The following STAG3 variants were observed in gnomAD, a reference collection of about 807,000 sequenced individuals.
STAG3 encodes the protein STAG3 cohesin complex component.
STAG3 carries 101 observed loss-of-function variants against 160.7 expected under a neutral mutation model. That is an observed-to-expected ratio of 0.63 (90% CI 0.54 to 0.74). The LOEUF (loss-of-function observed/expected upper bound fraction) is 0.74. Ranked by LOEUF, STAG3 falls within the 30% of genes least tolerant of loss-of-function variation. The probability of loss-of-function intolerance (pLI) is 0.00; values close to 1 mark genes in which losing one functional copy is unlikely to be tolerated. For missense variants in STAG3, 1,188 were observed against 1,517.4 expected (o/e 0.78, Z 3.61); for synonymous variants, 519 against 585.0 (o/e 0.89, Z 1.63).
intron 4 of STAG3, among the ~76,000 whole-genome samples, 175 bp downstream of exon 4, chr7:100,183,014 A>G (rs1361262265): frequency 2.0e-5 from 3 of 151,628 alleles, no homozygotes; most frequent in African/African-American, 7.3e-5. Context: ...ATGAGAGAGC[A>G]TGTTCTTTTT....
chr7:100,210,185 G>T (rs1386486485), intron 29 of STAG3, among the ~76,000 whole-genome samples: 1 of 152,142 alleles, frequency 6.6e-6, no homozygotes, highest in Non-Finnish European at 1.5e-5. Flanking sequence ...TTCCTCTCTG[G>T]GAATCCAAGC....
chr7:100,199,710 A>G (rs1800948767), intron 16 of STAG3, 66 bp downstream of exon 16: 1 of 1,271,500 alleles, frequency 7.9e-7, no homozygotes, highest in Non-Finnish European at 1.1e-6. Context: ...GTGCATCCTT[A>G]TCCCCCAGGC....
At chr7:100,197,982 A>G in intron 11 of STAG3, 105 bp from the exon 12 acceptor site, 1 of 1,493,470 alleles carries the variant, frequency 6.7e-7, no homozygotes, top group Non-Finnish European at 9.3e-7. Context: ...CTATCCCAGC[A>G]TCTGCCTCTA....
chr7:100,200,256 C>T lies in STAG3; in HGVS notation c.1698C>T (p.Arg566=). 6.2e-7 allele frequency: 1 copy of T among 1,612,612 alleles called. No individual in the cohort carries two copies. The highest frequency in any genetic ancestry group is 8.5e-7 in the Non-Finnish European group (1 of 1,179,810). Residue 566 remains arginine (R), a synonymous_variant, in exon 17 of 34, where the codon CGC becomes CGT. Transcript: ENST00000615138. The part of the protein sequence containing the change: ...TGRKGLTSKE[R]KTQADDRVKL... ...TCCAGGGCTTAACCTCTAAGGAGCG[C>T]AAGACCCAAGCCGATGACAGGGTGA... is the stretch of plus-strand genomic sequence containing the variant.
chr7:100,202,193 C>A lies in STAG3; in HGVS notation c.2416C>A (p.Leu806Ile), dbSNP rs746461394. 5 of 1,613,694 alleles carry A rather than the reference C, an allele frequency of 3.1e-6. No homozygotes were observed. The highest frequency in any genetic ancestry group is 4.2e-6 in the Non-Finnish European group (5 of 1,179,954). Reference protein sequence around the residue: ...QEQAFVLLSDLLLIFSPQMIV... With the variant: ...QEQAFVLLSDILLIFSPQMIV... ...ACAGGCTTTTGTCTTATTAAGTGAT[C>A]TACTTCTCATCTTTAGCCCTCAGAT... The change falls in exon 24 of 34, where the codon CTA (leucine) becomes ATA (isoleucine). Residue 806 changes from leucine to isoleucine, a missense_variant. Coordinates refer to ENST00000615138, the MANE Select transcript of STAG3 (RefSeq NM_001282717.2).
chr7:100,201,906 G>A, intron 22 of STAG3, 40 bp downstream of exon 22: 1 of 1,613,948 alleles, frequency 6.2e-7, no homozygotes. Context: ...GAACAGAGGA[G>A]TCTGTGTCTT....
At chr7:100,193,183 G>T (rs1203003649) in intron 8 of STAG3, among the ~76,000 whole-genome samples, 2 of 152,260 alleles carry the variant, frequency 1.3e-5, no homozygotes, top group Non-Finnish European at 2.9e-5. Context: ...AAAATATTCA[G>T]GAAACCATAC....
chr7:100,178,523 G>T (rs187728858), intron 1 of STAG3, among the ~76,000 whole-genome samples: 2 of 150,240 alleles, frequency 1.3e-5, no homozygotes, highest in African/African-American at 4.9e-5. Flanking sequence ...TACTTCCGAA[G>T]CCTCCAGAGA....
At chr7:100,211,970 C>A in intron 32 of STAG3, 94 bp downstream of exon 32, 1 of 1,173,764 alleles carries the variant, frequency 8.5e-7, no homozygotes, top group Non-Finnish European at 1.2e-6. Flanking sequence ...CTCGGTGATG[C>A]CTGGTCTGGA....
At chr7:100,179,552 C>T (rs903822331) in intron 1 of STAG3, among the ~76,000 whole-genome samples, 2 of 151,120 alleles carry the variant, frequency 1.3e-5, no homozygotes, top group South Asian at 4.2e-4. Flanking sequence ...AAGAAAATAC[C>T]TATGAGTTAA....
At chr7:100,212,529 C>T (rs781659531) in intron 32 of STAG3, 4 of 152,338 alleles carry the variant, frequency 2.6e-5, no homozygotes, top group East Asian at 1.9e-4. Context: ...AGTCTCGGCT[C>T]ACTGCAACCT....
chr7:100,201,620 G>A (rs1276142373), intron 21 of STAG3, 166 bp from the exon 22 acceptor site: 12 of 666,536 alleles, frequency 1.8e-5, no homozygotes, highest in African/African-American at 5.4e-5. Context: ...TTTCTACTTC[G>A]TGTAGATGCC....
intron 8 of STAG3, 136 bp from the exon 9 acceptor site, chr7:100,195,173 G>C (rs1481793145): frequency 5.3e-6 from 4 of 759,898 alleles, no homozygotes; most frequent in African/African-American, 3.5e-5. Flanking sequence ...GTTTAAAAGA[G>C]AGCATAGGAT....
chr7:100,199,766 G>GA lies in STAG3; in HGVS notation c.1677+128dup, dbSNP rs1490253198. The GA allele has an allele frequency of 8.8e-6, 7 of 791,818 alleles. No homozygotes were observed. The Admixed American group carries it at 1.5e-4, about 17-fold the overall frequency. The allele number at this position is 791,818 out of a possible 1,614,324, so 49.0% of individuals were successfully genotyped here. ...TACCCTTTAAAGAATTTCATTTCCA[G>GA]AAAAAAGGGCCAGGCGCAGTGGCTT... On this transcript the variant is annotated intron_variant, in intron 16 of 33. Transcript: ENST00000615138.
At chr7:100,216,151 G>A (rs1802731730), downstream of STAG3, among the ~76,000 whole-genome samples, 1 of 152,122 alleles carries the variant, frequency 6.6e-6, no homozygotes, top group Non-Finnish European at 1.5e-5. Flanking sequence ...TCTTTTCTGT[G>A]CACTTTCCAA....
intron 1 of STAG3, among the ~76,000 whole-genome samples, chr7:100,178,785 TG>T (rs1799441993): frequency 6.6e-6 from 1 of 151,864 alleles, no homozygotes; most frequent in African/African-American, 2.4e-5. Context: ...TGTAATCCCT[TG>T]GTGCTTTAGG....
chr7:100,200,284 T>C lies in STAG3; in HGVS notation c.1726T>C (p.Leu576=). Reference sequence around the variant, plus strand: ...GACCCAAGCCGATGACAGGGTGAAGTTGACTGAGCACCTCATCCCCCTGCT... The same window carrying C: ...GACCCAAGCCGATGACAGGGTGAAGCTGACTGAGCACCTCATCCCCCTGCT... The part of the protein sequence containing the change: ...RKTQADDRVK[L]TEHLIPLLPQ... Residue 576 remains leucine (L), a synonymous_variant, in exon 17 of 34, where the codon TTG becomes CTG. Coordinates refer to ENST00000615138, the MANE Select transcript of STAG3 (RefSeq NM_001282717.2). 6.2e-7 allele frequency: 1 copy of C among 1,613,510 alleles called. No individual in the cohort carries two copies. The highest frequency in any genetic ancestry group is 1.1e-5 in the South Asian group (1 of 91,026).
At chr7:100,187,191 G>A (rs559338455) in intron 5 of STAG3, among the ~76,000 whole-genome samples, 5 of 151,980 alleles carry the variant, frequency 3.3e-5, no homozygotes, top group South Asian at 4.2e-4. Flanking sequence ...GCCACCATAC[G>A]TGGCTAATTT....
Position 100,200,139 on chromosome 7 carries a change from T to G in STAG3, c.1678-97T>G, listed in dbSNP as rs538074517. On this transcript the variant is annotated intron_variant, in intron 16 of 33. Coordinates refer to ENST00000615138, the MANE Select transcript of STAG3 (RefSeq NM_001282717.2). Reference sequence around the variant, plus strand: ...TGGGAGCTACTGAGTTCTCTTTTCCTTCTAGGCAGATAAGGTCATGGGGAG... The same window carrying G: ...TGGGAGCTACTGAGTTCTCTTTTCCGTCTAGGCAGATAAGGTCATGGGGAG... 2.0e-4 allele frequency: 166 copies of G among 828,632 alleles called. No individual in the cohort carries two copies. In the African/African-American group the frequency reaches 2.7e-3, roughly 13 times the overall value. The allele number at this position is 828,632 out of a possible 1,614,324, so 51.3% of individuals were successfully genotyped here. A position where few individuals can be genotyped will look rare whatever the true frequency, so the allele number is the denominator to read the frequency against.
Sources: allele counts gnomAD v4.1 joint callset (sites outside exome capture counted in the v4.1 genomes callset), GRCh38; gene constraint gnomAD v4.1.1; transcripts MANE v1.5; gene names NCBI Gene and HGNC (gene_info 2026-07-23, HGNC 2026-07-21).